Variants in XIST observed in about 807,000 individuals in gnomAD.
XIST encodes X inactive specific transcript (non-protein coding).
chrX:73,845,221 G>C, exon 1 of XIST: 1 of 558,466 alleles, frequency 1.8e-6, no homozygotes, highest in Non-Finnish European at 3.2e-6. Context: ...AAGGAAGATT[G>C]GGGGTGGAGT....
At chrX:73,846,889 T>C (rs762398701) in exon 1 of XIST, 17 of 557,580 alleles carry the variant, frequency 3.0e-5, no homozygotes, top group Admixed American at 2.2e-4. Context: ...GAGGGTGTGA[T>C]AGGTCAGAAA....
chrX:73,850,903 G>A lies in XIST; in HGVS notation n.1821C>T, dbSNP rs1427520724. 5.4e-6 allele frequency: 3 copies of A among 551,822 alleles called. No homozygotes were observed. In the South Asian group the frequency reaches 6.8e-5, roughly 13 times the overall value. 45.5% of individuals were successfully genotyped at this position (551,822 alleles called of 1,213,427 possible). A position where few individuals can be genotyped will look rare whatever the true frequency, so the allele number is the denominator to read the frequency against. On this transcript the variant is annotated non_coding_transcript_exon_variant, in exon 1 of 6. Coordinates refer to ENST00000429829, the Ensembl canonical transcript of XIST. ...GGGACAAATAAGAGGGGACAGAGGT[G>A]GAAAGGCTAAATGTCCTTGAAAAGA... is the stretch of plus-strand genomic sequence containing the variant.
chrX:73,821,411 A>C (rs1475286281), exon 6 of XIST: 1 of 557,469 alleles, frequency 1.8e-6, no homozygotes, highest in Non-Finnish European at 3.2e-6. Flanking sequence ...TCTTATGACA[A>C]GAAGGGTCAC....
exon 1 of XIST, chrX:73,843,569 C>T (rs749868754): frequency 1.8e-6 from 1 of 558,910 alleles, no homozygotes; most frequent in Non-Finnish European, 3.2e-6. Context: ...GAGATCAACT[C>T]TTAGTCTAAA....
exon 1 of XIST, chrX:73,849,887 C>CGGGGT (rs2147708335): frequency 2.1e-5 from 1 of 47,813 alleles, no homozygotes; most frequent in African/African-American, 4.4e-4. Context: ...AGGGCTGGGG[C>CGGGGT]GGGGTGGGAG....
chrX:73,842,899 G>A (rs1316800102), exon 1 of XIST: 1 of 558,458 alleles, frequency 1.8e-6, no homozygotes, highest in Admixed American at 2.2e-5. Flanking sequence ...TCTGTAAAAA[G>A]GGGCCAAGGG....
exon 1 of XIST, chrX:73,843,358 A>G: frequency 3.6e-6 from 2 of 558,956 alleles, no homozygotes; most frequent in Non-Finnish European, 6.5e-6. Context: ...AGTGCCCTTG[A>G]TAATTGTTAT....
At chrX:73,822,437 T>C (rs1355046673) in exon 6 of XIST, 1 of 512,974 alleles carries the variant, frequency 1.9e-6, no homozygotes, top group East Asian at 3.6e-5. Flanking sequence ...GCATGCATTT[T>C]TTTCCCATGT....
exon 6 of XIST, chrX:73,824,549 G>A (rs1027732105): frequency 7.2e-6 from 4 of 552,202 alleles, no homozygotes; most frequent in Non-Finnish European, 1.3e-5. Flanking sequence ...TTAAACCCTT[G>A]GTTTGTATAA....
At chrX:73,850,317 CTT>C (rs1323558809) in exon 1 of XIST, 1 of 545,737 alleles carries the variant, frequency 1.8e-6, no homozygotes, top group African/African-American at 2.3e-5. Context: ...AAGCTAAAAA[CTT>C]TAAGGAATTT....
chrX:73,843,449 C>T (rs1922651951), exon 1 of XIST: 1 of 555,983 alleles, frequency 1.8e-6, no homozygotes, highest in Non-Finnish European at 3.2e-6. Context: ...ATGGGAGGAA[C>T]ATAGGGTCTT....
At chrX:73,849,467 T>C in exon 1 of XIST, 1 of 558,859 alleles carries the variant, frequency 1.8e-6, no homozygotes. Context: ...CTACTCAAAA[T>C]TGGGACTGTG....
exon 6 of XIST, chrX:73,820,802 A>AT (rs1491109865): frequency 1.8e-6 from 1 of 558,338 alleles, no homozygotes; most frequent in South Asian, 2.2e-5. Context: ...AAGACTCAAA[A>AT]GAGATTCTGC....
At chrX:73,824,633 G>T (rs1289657059) in exon 6 of XIST, 2 of 554,852 alleles carry the variant, frequency 3.6e-6, no homozygotes, top group Admixed American at 4.5e-5. Flanking sequence ...CTAGCTTACA[G>T]AAAGTTTTAT....
chrX:73,833,572 T>A, intron 2 of XIST: 1 of 287,084 alleles, frequency 3.5e-6, no homozygotes, highest in East Asian at 5.2e-5. Context: ...ACGGGAAGAT[T>A]AGACAAGTGA....
rs759560854 is a variant in XIST at position 73,847,572 on chromosome X, C to T, written n.5152G>A. The T allele has an allele frequency of 1.2e-5, 6 of 512,113 alleles. No individual in the cohort carries two copies. The East Asian group carries it at 2.2e-4, about 19-fold the overall frequency. The allele number at this position is 512,113 out of a possible 1,213,427, so 42.2% of individuals were successfully genotyped here. On this transcript the variant is annotated non_coding_transcript_exon_variant, in exon 1 of 6. Transcript: ENST00000429829. ...CAAGAAAGACTTTAGGAAATCAGTA[C>T]CCCCTTCTATGATGCTGAGAAGTCA...
exon 1 of XIST, chrX:73,844,805 T>C (rs1270214248): frequency 1.8e-6 from 1 of 557,112 alleles, no homozygotes; most frequent in Admixed American, 2.2e-5. Flanking sequence ...AGATAGGCCG[T>C]GTGCAGTTAC....
At chrX:73,851,783 G>C (rs1222235796) in exon 1 of XIST, 2 of 556,743 alleles carry the variant, frequency 3.6e-6, no homozygotes, top group Non-Finnish European at 6.5e-6. Context: ...TAGCACAAAC[G>C]ACTAGCCCTA....
In XIST at chrX:73,851,585, C is replaced by T. The variant is rs755988238; in HGVS notation, n.1139G>A. 12 of 557,348 alleles carry T rather than the reference C, an allele frequency of 2.2e-5. No individual in the cohort carries two copies. In the South Asian group the frequency reaches 2.2e-4, roughly 10 times the overall value. The allele number at this position is 557,348 out of a possible 1,213,427, so 45.9% of individuals were successfully genotyped here. A position where few individuals can be genotyped will look rare whatever the true frequency, so the allele number is the denominator to read the frequency against. ...TTTAAGCCCTGCACCTTAGTCTTTCCTAACCTTCCATTTTTAACTAGTCCC... is the reference window on the plus strand; with the variant it reads ...TTTAAGCCCTGCACCTTAGTCTTTCTTAACCTTCCATTTTTAACTAGTCCC... On this transcript the variant is annotated non_coding_transcript_exon_variant, in exon 1 of 6. Transcript: ENST00000429829.
Sources: allele counts gnomAD v4.1 joint callset, GRCh38; gene constraint gnomAD v4.1.1; transcripts MANE v1.5; gene names NCBI Gene and HGNC (gene_info 2026-07-23, HGNC 2026-07-21).